CDKAL1: variants seen among roughly 807,000 people sequenced by gnomAD.
The protein encoded by CDKAL1 is threonylcarbamoyladenosine tRNA methylthiotransferase.
In CDKAL1, 32 loss-of-function variants were observed where a neutral mutation model predicts 68.2. That is an observed-to-expected ratio of 0.47 (90% CI 0.35 to 0.63). The LOEUF (loss-of-function observed/expected upper bound fraction) is 0.63, where lower values mean the gene tolerates loss of function less well. Ranked by LOEUF, CDKAL1 falls within the 30% of genes least tolerant of loss-of-function variation. CDKAL1 has a pLI of 0.00. For missense variants in CDKAL1, 606 were observed against 696.7 expected (o/e 0.87, Z 1.47); for synonymous variants, 234 against 244.3 (o/e 0.96, Z 0.39).
intron 9 of CDKAL1, among the ~76,000 whole-genome samples, chr6:20,923,439 A>G (rs1763049835): frequency 6.6e-6 from 1 of 150,572 alleles, no homozygotes; most frequent in Non-Finnish European, 1.5e-5. Context: ...TCACTATTAT[A>G]TTTATTATGG....
chr6:21,037,508 C>T (rs1017218282), intron 11 of CDKAL1, among the ~76,000 whole-genome samples: 2 of 152,158 alleles, frequency 1.3e-5, no homozygotes, highest in Non-Finnish European at 2.9e-5. Flanking sequence ...GTTACAGGAT[C>T]TCAAGTCTCT....
chr6:20,743,618 A>G (rs1405853958), intron 6 of CDKAL1, among the ~76,000 whole-genome samples: 1 of 152,030 alleles, frequency 6.6e-6, no homozygotes, highest in Non-Finnish European at 1.5e-5. Context: ...CAATTTTTTG[A>G]CCTCTGGGCC....
intron 10 of CDKAL1, among the ~76,000 whole-genome samples, chr6:20,978,137 A>G (rs1422589340): frequency 6.6e-6 from 1 of 152,242 alleles, no homozygotes; most frequent in Non-Finnish European, 1.5e-5. Flanking sequence ...TTTGTAACGT[A>G]TCACAGATGT....
chr6:21,174,026 C>A (rs1454754076), intron 13 of CDKAL1, among the ~76,000 whole-genome samples: 1 of 152,020 alleles, frequency 6.6e-6, no homozygotes, highest in Non-Finnish European at 1.5e-5. Flanking sequence ...ACTGTGATCA[C>A]ACACACCTCT....
At chr6:20,684,081 A>T (rs1238937645) in intron 5 of CDKAL1, among the ~76,000 whole-genome samples, 4 of 152,186 alleles carry the variant, frequency 2.6e-5, no homozygotes, top group Non-Finnish European at 5.9e-5. Context: ...GTCAGAATGT[A>T]CAACAGTTTA....
intron 12 of CDKAL1, among the ~76,000 whole-genome samples, chr6:21,068,198 C>T (rs1771565690): frequency 6.7e-6 from 1 of 150,254 alleles, no homozygotes; most frequent in Non-Finnish European, 1.5e-5. Flanking sequence ...TTTTGAAGAA[C>T]AGACGTTCTT....
At chr6:21,181,072 T>C (rs1777770166) in intron 13 of CDKAL1, among the ~76,000 whole-genome samples, 1 of 152,122 alleles carries the variant, frequency 6.6e-6, no homozygotes, top group Non-Finnish European at 1.5e-5. Context: ...ACAGAAAGAA[T>C]GCATGCATGT....
intron 9 of CDKAL1, among the ~76,000 whole-genome samples, chr6:20,917,170 G>A (rs1762758763): frequency 6.6e-6 from 1 of 152,078 alleles, no homozygotes; most frequent in Admixed American, 6.5e-5. Flanking sequence ...TAGTAGAGAT[G>A]TGGTTTCACC....
intron 11 of CDKAL1, among the ~76,000 whole-genome samples, chr6:21,000,585 C>G (rs922680031): frequency 1.3e-5 from 2 of 152,032 alleles, no homozygotes; most frequent in African/African-American, 4.8e-5. Context: ...CATGACACAC[C>G]ATTAATTTGT....
Position 20,546,428 on chromosome 6 carries a change from T to C in CDKAL1, c.78T>C (p.Asp26=). The C allele has an allele frequency of 6.2e-7, 1 of 1,614,098 alleles. No homozygotes were observed. The highest frequency in any genetic ancestry group is 8.5e-7 in the Non-Finnish European group (1 of 1,179,946). Residue 26 remains aspartate (D), a synonymous_variant, in exon 3 of 16, where the codon GAT becomes GAC. Transcript: ENST00000274695. The stretch of plus-strand genomic sequence containing the variant: ...CTCAGGAAGATTCAAAACCACAAGA[T>C]AGGCATTTTGTAAGAAAGGATGTTG... ...IVSQEDSKPQ[D]RHFVRKDVVP...
At chr6:20,857,695 T>G (rs1351745505) in intron 9 of CDKAL1, among the ~76,000 whole-genome samples, 1 of 152,200 alleles carries the variant, frequency 6.6e-6, no homozygotes, top group African/African-American at 2.4e-5. Context: ...CTAGAGAACT[T>G]TCTTAATTAC....
At chr6:20,909,185 A>ATGTGTG (rs57042223) in intron 9 of CDKAL1, among the ~76,000 whole-genome samples, 45 of 119,308 alleles carry the variant, frequency 3.8e-4, no homozygotes, top group African/African-American at 1.3e-3. Flanking sequence ...GTGTGCATGT[A>ATGTGTG]TGTGTGTGTG....
At position 20,943,340 on chromosome 6, in the gene CDKAL1, A is replaced by AAAG. The variant is rs1326609624; in HGVS notation, c.743-12077_743-12076insGAA. Among the ~76,000 whole-genome samples, 244 of 79,020 alleles carry AAAG rather than the reference A, an allele frequency of 3.1e-3. 2 individuals are homozygous for AAAG. The highest frequency in any genetic ancestry group is 9.0e-3 in the African/African-American group (212 of 23,434). 51.8% of individuals were successfully genotyped at this position (79,020 alleles called of 152,430 possible). The stretch of plus-strand genomic sequence containing the variant: ...TACCTTGTTTTTTCAAAAAAAAAAA[A>AAAG]AAAAGAAAAAGAAAAAAAGAAAAAA... On this transcript the variant is annotated intron_variant, in intron 9 of 15. Coordinates refer to ENST00000274695, the MANE Select transcript of CDKAL1 (RefSeq NM_017774.3).
chr6:20,744,970 G>A (rs562195307), intron 6 of CDKAL1, among the ~76,000 whole-genome samples: 34 of 152,302 alleles, frequency 2.2e-4, no homozygotes, highest in African/African-American at 7.9e-4. Context: ...AAAATGTTAA[G>A]ACATGCAATT....
intron 13 of CDKAL1, among the ~76,000 whole-genome samples, chr6:21,183,118 T>C (rs1371836352): frequency 1.3e-5 from 2 of 150,852 alleles, no homozygotes; most frequent in Admixed American, 1.3e-4. Context: ...GTTTTAGAAA[T>C]GACAGTAAGC....
At chr6:20,796,851 G>A (rs188621282) in intron 8 of CDKAL1, among the ~76,000 whole-genome samples, 2 of 152,268 alleles carry the variant, frequency 1.3e-5, no homozygotes, top group Admixed American at 1.3e-4. Flanking sequence ...AGGGATCCAA[G>A]TTCAAAATGT....
Position 20,630,185 on chromosome 6 carries a change from T to A in CDKAL1, c.287-19108T>A, listed in dbSNP as rs566714091. Among the ~76,000 whole-genome samples the A allele has an allele frequency of 2.6e-5, 4 of 152,252 alleles. No individual in the cohort carries two copies. In the South Asian group the frequency reaches 8.3e-4, roughly 32 times the overall value. ...CGCCACGTCCCTGCTCAGACTTTGA[T>A]ACCTTATGCCAAACTGCCCCTCTTT... is the stretch of plus-strand genomic sequence containing the variant. On this transcript the variant is annotated intron_variant, in intron 4 of 15. Coordinates refer to ENST00000274695, the MANE Select transcript of CDKAL1 (RefSeq NM_017774.3).
At chr6:21,049,712 T>TCA (rs1770435388) in intron 11 of CDKAL1, among the ~76,000 whole-genome samples, 1 of 152,206 alleles carries the variant, frequency 6.6e-6, no homozygotes, top group African/African-American at 2.4e-5. Context: ...ATTCATTTGA[T>TCA]GTGTGCTTGA....
At chr6:21,129,533 C>T (rs1042700505) in intron 13 of CDKAL1, among the ~76,000 whole-genome samples, 9 of 151,916 alleles carry the variant, frequency 5.9e-5, no homozygotes, top group African/African-American at 1.9e-4. Context: ...TCATAATTTA[C>T]AATTTCCCAA....
Sources: gnomAD v4.1 joint callset for allele counts (sites outside exome capture counted in the v4.1 genomes callset) on GRCh38, gnomAD v4.1.1 for gene constraint, MANE v1.5 for transcripts, NCBI Gene and HGNC (gene_info 2026-07-23, HGNC 2026-07-21) for gene names.